The following GRID1 variants were observed in gnomAD, a reference collection of about 807,000 sequenced individuals.
GRID1 encodes the protein glutamate ionotropic receptor delta type subunit 1, also known as glutamate receptor ionotropic, delta-1.
Under a neutral mutation model 98.0 loss-of-function variants are expected in GRID1, and 28 were observed. The observed-to-expected ratio is 0.29, with a 90% CI of 0.21 to 0.39. The LOEUF (loss-of-function observed/expected upper bound fraction) is 0.39. Among genes scored for constraint, GRID1 ranks in the 10% least tolerant of loss-of-function variants. The pLI is 1.00. For synonymous variants in GRID1, 553 were observed against 538.5 expected, an observed-to-expected ratio of 1.03 and a Z score of -0.37; for missense variants, 1,111 against 1,340.5, an observed-to-expected ratio of 0.83 and a Z score of 2.67.
At chr10:86,165,922 A>G (rs2131989674) in intron 3 of GRID1, among the ~76,000 whole-genome samples, 1 of 152,276 alleles carries the variant, frequency 6.6e-6, no homozygotes, top group South Asian at 2.1e-4. Flanking sequence ...AACGGTTCCC[A>G]CCACAATCGG....
intron 8 of GRID1, among the ~76,000 whole-genome samples, chr10:85,759,286 G>C (rs3011703): frequency 6.6e-6 from 1 of 151,880 alleles, no homozygotes; most frequent in Admixed American, 6.5e-5. Flanking sequence ...ATCCCAGTAT[G>C]ATGGACCATA....
chr10:85,644,339 T>C (rs1843160179), intron 13 of GRID1, among the ~76,000 whole-genome samples: 1 of 152,230 alleles, frequency 6.6e-6, no homozygotes, highest in Admixed American at 6.5e-5. Context: ...ACCAACAATG[T>C]CCTTCTCTCT....
chr10:86,288,666 CCT>C (rs1014806098), intron 2 of GRID1, among the ~76,000 whole-genome samples: 1 of 152,168 alleles, frequency 6.6e-6, no homozygotes, highest in Non-Finnish European at 1.5e-5. Context: ...CTCTGGGTTC[CCT>C]CTCAAACATC....
At chr10:86,105,787 TGAAGTCTGCACCCTGAGGGAAAAGCACGG>T (rs1202457610) in intron 4 of GRID1, among the ~76,000 whole-genome samples, 1 of 151,922 alleles carries the variant, frequency 6.6e-6, no homozygotes, top group Non-Finnish European at 1.5e-5. Flanking sequence ...CATTGCAGAG[TGAAGTCTGCACCCTGAGGGAAAAGCACGG>T]GCACTGTGCA....
At position 85,841,814 on chromosome 10, in the gene GRID1, A is replaced by C. The variant is rs192373313; in HGVS notation, c.1233+12682T>G. ...CCAATCAAAATGGCTATTATGAAAA[A>C]GTCAAAAATAACAGATGATGGCAAG... On this transcript the variant is annotated intron_variant, in intron 8 of 15. Coordinates refer to ENST00000327946, the MANE Select transcript of GRID1 (RefSeq NM_017551.3). 5.3e-5 allele frequency among the ~76,000 whole-genome samples: 8 copies of C among 152,284 alleles called. No individual in the cohort carries two copies. The East Asian group carries it at 1.5e-3, about 29-fold the overall frequency.
rs1006064580 is a variant in GRID1 at position 85,916,054 on chromosome 10, T to C, written c.780+132A>G. ...AAGTTCAACTCTTTGAGTTTTTGCC[T>C]GGGCTAGGTGGAGCCCCAGGATTCA... On this transcript the variant is annotated intron_variant, in intron 5 of 15. Transcript: ENST00000327946. This position sits in a 1 kb window ranked among gnomAD's most constrained non-coding sequence, Gnocchi z 4.0. 1.4e-6 allele frequency: 1 copy of C among 703,238 alleles called. No homozygotes were observed. Among genetic ancestry groups the C allele is most frequent in the Admixed American group, 2.5e-5 (1 of 39,900 alleles). The allele number at this position is 703,238 out of a possible 1,614,324, so 43.6% of individuals were successfully genotyped here.
intron 12 of GRID1, 33 bp downstream of exon 12, chr10:85,722,970 T>C (rs776862033): frequency 6.3e-7 from 1 of 1,585,512 alleles, no homozygotes; most frequent in Non-Finnish European, 8.6e-7. Context: ...CTCTCTGAGC[T>C]GCTGGCTCCA....
intron 6 of GRID1, among the ~76,000 whole-genome samples, chr10:85,868,035 G>A (rs963885856): frequency 2.0e-5 from 3 of 152,182 alleles, no homozygotes; most frequent in Non-Finnish European, 4.4e-5. Context: ...AAATGTTATG[G>A]GGTGGGGCTG....
intron 1 of GRID1, 40 bp from the exon 2 acceptor site, chr10:86,364,136 A>T: frequency 6.3e-7 from 1 of 1,580,562 alleles, no homozygotes; most frequent in Non-Finnish European, 8.7e-7. Flanking sequence ...CTGGACAAGA[A>T]CCCTCTCCCC....
intron 13 of GRID1, among the ~76,000 whole-genome samples, chr10:85,620,912 G>T (rs555326544): frequency 6.6e-6 from 1 of 152,314 alleles, no homozygotes; most frequent in South Asian, 2.1e-4. Flanking sequence ...ACAGGTGCAG[G>T]TTTCTGGTGT....
chr10:85,949,905 G>GGGATGGATGGATGGAT (rs35077466), intron 4 of GRID1, among the ~76,000 whole-genome samples: 34 of 149,862 alleles, frequency 2.3e-4, no homozygotes, highest in African/African-American at 7.9e-4. Context: ...GAGAACTATA[G>GGGATGGATGGATGGAT]GGATGGATGG....
intron 2 of GRID1, among the ~76,000 whole-genome samples, chr10:86,328,839 A>C (rs955009520): frequency 6.7e-6 from 1 of 150,008 alleles, no homozygotes; most frequent in Non-Finnish European, 1.5e-5. Flanking sequence ...GGACTTGGGG[A>C]CTCTGCATGA....
intron 8 of GRID1, among the ~76,000 whole-genome samples, chr10:85,808,910 TAA>T (rs1459489394): frequency 6.6e-6 from 1 of 152,010 alleles, no homozygotes; most frequent in Non-Finnish European, 1.5e-5. Flanking sequence ...CCTTAAAAGG[TAA>T]AGATATTGAG....
chr10:85,628,201 G>A (rs1474998063), intron 13 of GRID1, among the ~76,000 whole-genome samples: 4 of 151,980 alleles, frequency 2.6e-5, no homozygotes, highest in African/African-American at 7.3e-5. Flanking sequence ...GGGAATGTGT[G>A]TGTGTATGGG....
At chr10:85,975,797 C>A (rs569021156) in intron 4 of GRID1, among the ~76,000 whole-genome samples, 65 of 152,294 alleles carry the variant, frequency 4.3e-4, no homozygotes, top group African/African-American at 1.5e-3. Context: ...CTCTCAGAGG[C>A]CACCTTTCCC....
At chr10:86,328,139 C>T (rs1190947633) in intron 2 of GRID1, among the ~76,000 whole-genome samples, 1 of 152,130 alleles carries the variant, frequency 6.6e-6, no homozygotes, top group Non-Finnish European at 1.5e-5. Flanking sequence ...GAAGCAAGTG[C>T]AGTAAATAGG....
At chr10:85,906,146 C>T (rs1192132910) in intron 5 of GRID1, among the ~76,000 whole-genome samples, 1 of 151,994 alleles carries the variant, frequency 6.6e-6, no homozygotes, top group Non-Finnish European at 1.5e-5. Flanking sequence ...GAAAAAAATA[C>T]CAGGGACAAA....
chr10:85,741,044 G>A (rs952411716), intron 8 of GRID1, among the ~76,000 whole-genome samples: 4 of 152,026 alleles, frequency 2.6e-5, no homozygotes, highest in African/African-American at 7.2e-5. Context: ...GAGCCACTGC[G>A]CCCAGCCCAC....
At chr10:85,986,437 T>C (rs2352465) in intron 4 of GRID1, among the ~76,000 whole-genome samples, 104,956 of 152,004 alleles carry the variant, frequency 0.69, 36,454 homozygotes, top group South Asian at 0.78. Context: ...TGCATTCTGC[T>C]GGGGAAATTG....
Sources: gnomAD v4.1 joint callset for allele counts (sites outside exome capture counted in the v4.1 genomes callset) on GRCh38, gnomAD v4.1.1 for gene constraint, Gnocchi (gnomAD v3.1) non-coding constraint, MANE v1.5 for transcripts, NCBI Gene and HGNC (gene_info 2026-07-23, HGNC 2026-07-21) for gene names.